Variants in MAMLD1 observed in about 807,000 individuals in gnomAD.
The protein encoded by MAMLD1 is mastermind like domain containing 1.
In MAMLD1, 14 loss-of-function variants were observed where a neutral mutation model predicts 45.0. The ratio of observed to expected loss-of-function variants is 0.31; its 90% confidence interval spans 0.21 to 0.49. MAMLD1 has a LOEUF of 0.49. Ranked by LOEUF, MAMLD1 falls within the 20% of genes least tolerant of loss-of-function variation. The pLI is 0.99. For synonymous variants in MAMLD1, 254 were observed against 247.8 expected (o/e 1.02, Z -0.24); for missense variants, 543 against 603.6 (o/e 0.90, Z 1.05).
At chrX:150,507,524 A>G (rs1172963142) in intron 6 of MAMLD1, among the ~76,000 whole-genome samples, 1 of 111,938 alleles carries the variant, frequency 8.9e-6, no homozygotes, top group Non-Finnish European at 1.9e-5. Context: ...ACACTGCCGT[A>G]AGGTGAAGAG....
In MAMLD1 at chrX:150,383,062, G is replaced by A. The variant is rs1242096237; in HGVS notation, c.-64+19532G>A. 2.0e-4 allele frequency among the ~76,000 whole-genome samples: 12 copies of A among 58,848 alleles called. 4 individuals are homozygous for A. Among genetic ancestry groups the A allele is most frequent in the Non-Finnish European group, 2.7e-4 (9 of 33,431 alleles). 51.1% of individuals were successfully genotyped at this position (58,848 alleles called of 115,157 possible). ...TGGGACTACAGGCGCCCGCCACCAC[G>A]CCCGGCTAATTTCTTGTATTTTTAG... is the stretch of plus-strand genomic sequence containing the variant. On this transcript the variant is annotated intron_variant, in intron 1 of 7. Coordinates refer to ENST00000370401, the MANE Select transcript of MAMLD1 (RefSeq NM_005491.5).
chrX:150,409,633 A>T (rs1557402772), intron 1 of MAMLD1, among the ~76,000 whole-genome samples: 13 of 111,955 alleles, frequency 1.2e-4, no homozygotes, highest in Non-Finnish European at 2.3e-4. Context: ...TCTGAAAGCA[A>T]AGGTGATAAA....
intron 1 of MAMLD1, among the ~76,000 whole-genome samples, chrX:150,433,513 T>C: frequency 8.9e-6 from 1 of 111,914 alleles, no homozygotes; most frequent in East Asian, 2.8e-4. Flanking sequence ...ACTTCCAGCT[T>C]CTGCCCATTT....
At chrX:150,412,795 G>A (rs1331646431) in intron 1 of MAMLD1, among the ~76,000 whole-genome samples, 2 of 110,595 alleles carry the variant, frequency 1.8e-5, no homozygotes, top group Non-Finnish European at 3.8e-5. Context: ...ACAGCTCAGT[G>A]CAAACTCGAC....
chrX:150,367,774 T>G (rs1230193364), intron 1 of MAMLD1, among the ~76,000 whole-genome samples: 3 of 108,643 alleles, frequency 2.8e-5, no homozygotes, highest in African/African-American at 1.0e-4. Flanking sequence ...GTGTTCTCAT[T>G]GTTCAATTCC....
chrX:150,444,328 A>T (rs2035418956), intron 1 of MAMLD1, among the ~76,000 whole-genome samples: 1 of 110,808 alleles, frequency 9.0e-6, no homozygotes. Flanking sequence ...TTGCTAGGTT[A>T]CCTCTTTCCT....
At position 150,470,236 on chromosome X, in the gene MAMLD1, C is replaced by G. The variant is rs2036370032; in HGVS notation, c.663C>G (p.Pro221=). The G allele has an allele frequency of 8.3e-7, 1 of 1,211,862 alleles. No homozygotes were observed. The highest frequency in any genetic ancestry group is 1.1e-6 in the Non-Finnish European group (1 of 895,538). The change falls in exon 4 of 8, where the codon CCC becomes CCG. Residue 221 remains proline (P), a synonymous_variant. Transcript: ENST00000370401. ...CCCAGGCAACCCTAAGCACAACTCCCAAGCCTTCGGTTCAGATGTCACACT... is the reference window on the plus strand; with the variant it reads ...CCCAGGCAACCCTAAGCACAACTCCGAAGCCTTCGGTTCAGATGTCACACT... ...DHPQATLSTT[P]KPSVQMSHLE... is the part of the protein sequence containing the mutation.
chrX:150,483,617 A>G (rs1468583249), intron 5 of MAMLD1, among the ~76,000 whole-genome samples: 1 of 112,509 alleles, frequency 8.9e-6, no homozygotes, highest in African/African-American at 3.2e-5. Flanking sequence ...TTACCCACTG[A>G]CCATGATGCA....
chrX:150,464,598 TTCTG>T (rs2036159419), intron 3 of MAMLD1, among the ~76,000 whole-genome samples: 1 of 112,207 alleles, frequency 8.9e-6, no homozygotes, highest in Non-Finnish European at 1.9e-5. Context: ...AACATATTCA[TTCTG>T]TCTTTCTCTC....
At chrX:150,376,993 C>T (rs1301983086) in intron 1 of MAMLD1, among the ~76,000 whole-genome samples, 1 of 112,490 alleles carries the variant, frequency 8.9e-6, no homozygotes, top group Non-Finnish European at 1.9e-5. Flanking sequence ...CGTATTCAGC[C>T]TTATTTTGTA....
intron 5 of MAMLD1, among the ~76,000 whole-genome samples, chrX:150,481,972 G>GAAAGAAAGAAAGA (rs2036801976): frequency 3.4e-5 from 2 of 58,125 alleles, no homozygotes; most frequent in African/African-American, 8.0e-5. Flanking sequence ...AAAAAAGAAA[G>GAAAGAAAGAAAGA]AAAGAAAGAA....
At chrX:150,376,347 T>C (rs2032314148) in intron 1 of MAMLD1, among the ~76,000 whole-genome samples, 1 of 111,835 alleles carries the variant, frequency 8.9e-6, no homozygotes, top group Admixed American at 9.5e-5. Context: ...AAGACAAAGT[T>C]GACATGTATT....
chrX:150,387,453 T>C (rs1394295497), intron 1 of MAMLD1, among the ~76,000 whole-genome samples: 1 of 112,122 alleles, frequency 8.9e-6, no homozygotes, highest in African/African-American at 3.2e-5. Flanking sequence ...TCTCCTGTTA[T>C]TTTGATATTT....
chrX:150,426,967 C>T (rs2034727062), intron 1 of MAMLD1, among the ~76,000 whole-genome samples: 1 of 111,985 alleles, frequency 8.9e-6, no homozygotes, highest in Admixed American at 9.5e-5. Flanking sequence ...GGCAGAAGTC[C>T]AAGATCAAGG....
intron 2 of MAMLD1, among the ~76,000 whole-genome samples, chrX:150,462,480 A>G (rs1260781664): frequency 1.8e-5 from 2 of 111,891 alleles, no homozygotes; most frequent in African/African-American, 6.5e-5. Flanking sequence ...CTCTAATAGA[A>G]TATGTCAATA....
chrX:150,482,498 A>G (rs1373174903), intron 5 of MAMLD1, among the ~76,000 whole-genome samples: 3 of 112,933 alleles, frequency 2.7e-5, no homozygotes, highest in Non-Finnish European at 5.6e-5. Flanking sequence ...ACACTTAAAA[A>G]TTGTTAAAAT....
chrX:150,465,728 A>T, intron 3 of MAMLD1, among the ~76,000 whole-genome samples: 1 of 112,361 alleles, frequency 8.9e-6, no homozygotes, highest in Middle Eastern at 4.7e-3. Flanking sequence ...TGCTCTGAGG[A>T]AATCCTGCCA....
At chrX:150,454,695 C>A (rs2035784202) in intron 2 of MAMLD1, among the ~76,000 whole-genome samples, 1 of 111,001 alleles carries the variant, frequency 9.0e-6, no homozygotes, top group Non-Finnish European at 1.9e-5. Flanking sequence ...GGGAACTCAC[C>A]CTGATCCCAA....
intron 1 of MAMLD1, among the ~76,000 whole-genome samples, chrX:150,402,815 C>T (rs1557402494): frequency 2.7e-5 from 3 of 110,426 alleles, no homozygotes; most frequent in South Asian, 7.8e-4. Flanking sequence ...AGTAAACTAT[C>T]GCAAGAACAA....
Sources: allele counts gnomAD v4.1 joint callset (sites outside exome capture counted in the v4.1 genomes callset), GRCh38; gene constraint gnomAD v4.1.1; transcripts MANE v1.5; gene names NCBI Gene and HGNC (gene_info 2026-07-23, HGNC 2026-07-21).